SH3RF3: variants seen among roughly 807,000 people sequenced by gnomAD.
The protein encoded by SH3RF3 is SH3 domain containing ring finger 3, also known as E3 ubiquitin-protein ligase SH3RF3.
SH3RF3 carries 29 observed loss-of-function variants against 66.3 expected under a neutral mutation model. The observed-to-expected ratio is 0.44, with a 90% confidence interval of 0.33 to 0.60. The LOEUF (loss-of-function observed/expected upper bound fraction) is 0.60, where lower values mean the gene tolerates loss of function less well. SH3RF3 is among the 20% of genes least tolerant of loss of function. SH3RF3 has a pLI of 0.04. For synonymous variants in SH3RF3, 583 were observed against 532.0 expected (o/e 1.10, Z -1.32); for missense variants, 1,194 against 1,190.9 (o/e 1.00, Z -0.04).
chr2:109,249,886 G>GTGTT (rs1312296449), intron 1 of SH3RF3, among the ~76,000 whole-genome samples: 1 of 150,710 alleles, frequency 6.6e-6, no homozygotes, highest in Non-Finnish European at 1.5e-5. Context: ...GGGTTTCACT[G>GTGTT]TGTTAGCCAG....
intron 1 of SH3RF3, among the ~76,000 whole-genome samples, chr2:109,315,150 G>T (rs1472819401): frequency 2.0e-5 from 3 of 152,228 alleles, no homozygotes; most frequent in African/African-American, 7.2e-5. Flanking sequence ...ACTTTACTGA[G>T]TATAATTAGC....
At chr2:109,330,702 A>C (rs1682263474) in intron 1 of SH3RF3, among the ~76,000 whole-genome samples, 1 of 152,182 alleles carries the variant, frequency 6.6e-6, no homozygotes, top group Non-Finnish European at 1.5e-5. Flanking sequence ...GGATGGATAC[A>C]TGACGGATGG....
At chr2:109,353,987 C>T (rs1244300098) in intron 2 of SH3RF3, among the ~76,000 whole-genome samples, 1 of 152,122 alleles carries the variant, frequency 6.6e-6, no homozygotes, top group Non-Finnish European at 1.5e-5. Flanking sequence ...CAGAGCCCCC[C>T]GAAGTCTCAG....
intron 1 of SH3RF3, among the ~76,000 whole-genome samples, chr2:109,213,509 G>T (rs1395557314): frequency 6.6e-6 from 1 of 152,164 alleles, no homozygotes; most frequent in Non-Finnish European, 1.5e-5. Flanking sequence ...GCCTGGAGAA[G>T]GGCATATCTG....
intron 2 of SH3RF3, among the ~76,000 whole-genome samples, chr2:109,358,975 T>G (rs1483359379): frequency 6.6e-6 from 1 of 152,134 alleles, no homozygotes; most frequent in African/African-American, 2.4e-5. Flanking sequence ...GTGGAATGTT[T>G]ATTTCTAGAT....
At chr2:109,210,046 G>A (rs1458594169) in intron 1 of SH3RF3, among the ~76,000 whole-genome samples, 1 of 152,186 alleles carries the variant, frequency 6.6e-6, no homozygotes, top group Non-Finnish European at 1.5e-5. Context: ...GGACCGCAGA[G>A]TCAAACAGTA....
intron 1 of SH3RF3, among the ~76,000 whole-genome samples, chr2:109,170,279 CTTCTCTTCTCT>C (rs1677739800): frequency 8.0e-6 from 1 of 124,890 alleles, no homozygotes; most frequent in Non-Finnish European, 1.7e-5. Context: ...CTTCTCTTCT[CTTCTCTTCTCT>C]TCTCTTCTCT....
intron 8 of SH3RF3, among the ~76,000 whole-genome samples, chr2:109,480,539 CA>C (rs1292724520): frequency 7.9e-5 from 12 of 152,150 alleles, no homozygotes; most frequent in Non-Finnish European, 7.4e-5. Context: ...ATTAGTGTCT[CA>C]GGGGGCAGCC....
rs771921416 is a variant in SH3RF3, at chr2:109,449,278, C to T, written c.1937C>T (p.Ser646Leu). The T allele has an allele frequency of 2.2e-5, 35 of 1,610,556 alleles. No individual in the cohort carries two copies. Among genetic ancestry groups the T allele is most frequent in the East Asian group, 2.0e-4 (9 of 44,778 alleles). Residue 646 changes from serine to leucine, a missense_variant, in exon 8 of 10, where the codon TCG (serine) becomes TTG (leucine). Coordinates refer to ENST00000309415, the MANE Select transcript of SH3RF3 (RefSeq NM_001099289.3). The stretch of plus-strand genomic sequence containing the variant: ...CCTGCCACCAGCCTCAGGCCCCACT[C>T]GGTGGTGTCCCCGCAGCACAGCCAC... ...RLPATSLRPHSVVSPQHSHQP... is the reference protein window; with the variant it reads ...RLPATSLRPHLVVSPQHSHQP...
intron 1 of SH3RF3, among the ~76,000 whole-genome samples, chr2:109,305,706 C>T (rs1031023391): frequency 9.9e-5 from 15 of 152,224 alleles, no homozygotes; most frequent in Non-Finnish European, 1.6e-4. Context: ...CCTTCATGTG[C>T]GGTGTGTGGC....
At chr2:109,277,882 A>C (rs572197424) in intron 1 of SH3RF3, among the ~76,000 whole-genome samples, 1 of 152,302 alleles carries the variant, frequency 6.6e-6, no homozygotes, top group African/African-American at 2.4e-5. Flanking sequence ...CTTCTGCTGA[A>C]AGGCATTTCA....
intron 1 of SH3RF3, among the ~76,000 whole-genome samples, chr2:109,148,198 C>T (rs1458113424): frequency 6.6e-6 from 1 of 152,234 alleles, no homozygotes; most frequent in East Asian, 1.9e-4. Context: ...TCCCACCTGC[C>T]TGCTCTAGGA....
rs141269601 is a variant in SH3RF3 at position 109,285,522 on chromosome 2, T to C, written c.574-62152T>C. Among the ~76,000 whole-genome samples the C allele has an allele frequency of 8.0e-3, 1,218 of 152,312 alleles. 12 individuals are homozygous for C. Among genetic ancestry groups the C allele is most frequent in the East Asian group, 0.037 (193 of 5,170 alleles). On this transcript the variant is annotated intron_variant, in intron 1 of 9. Transcript: ENST00000309415. ...ACAGTGCATGCTGGGGCACTTGGAC[T>C]GCAGGGCAATCGCTTGCCTGGCGGT...
At chr2:109,177,049 G>A (rs1210930227) in intron 1 of SH3RF3, among the ~76,000 whole-genome samples, 4 of 152,184 alleles carry the variant, frequency 2.6e-5, no homozygotes, top group African/African-American at 9.7e-5. Flanking sequence ...GTGTGACCTG[G>A]TGGAAGTTAC....
At chr2:109,317,474 C>G (rs533543814) in intron 1 of SH3RF3, among the ~76,000 whole-genome samples, 6 of 152,202 alleles carry the variant, frequency 3.9e-5, no homozygotes, top group African/African-American at 1.4e-4. Flanking sequence ...TGCTCTTCCC[C>G]TGGGTCTGGG....
At chr2:109,158,042 G>A (rs1677394146) in intron 1 of SH3RF3, among the ~76,000 whole-genome samples, 1 of 152,190 alleles carries the variant, frequency 6.6e-6, no homozygotes, top group Non-Finnish European at 1.5e-5. Context: ...CAATTGCACT[G>A]TGTCATCTGG....
At chr2:109,196,205 G>A (rs560857826) in intron 1 of SH3RF3, among the ~76,000 whole-genome samples, 1 of 152,316 alleles carries the variant, frequency 6.6e-6, no homozygotes, top group African/African-American at 2.4e-5. Context: ...GTCCACCCTT[G>A]AGGCCATGTC....
At chr2:109,415,473 C>T (rs928362530) in intron 4 of SH3RF3, among the ~76,000 whole-genome samples, 20 of 152,138 alleles carry the variant, frequency 1.3e-4, no homozygotes, top group African/African-American at 4.6e-4. Flanking sequence ...GTGCTACAGT[C>T]GCGGCTGCTA....
chr2:109,424,098 C>T (rs1003755920), intron 5 of SH3RF3, among the ~76,000 whole-genome samples: 5 of 152,148 alleles, frequency 3.3e-5, no homozygotes, highest in African/African-American at 1.2e-4. Flanking sequence ...GCTGGGTTTC[C>T]TGGAGGCAGG....
Sources: gnomAD v4.1 joint callset for allele counts (sites outside exome capture counted in the v4.1 genomes callset) on GRCh38, gnomAD v4.1.1 for gene constraint, MANE v1.5 for transcripts, NCBI Gene and HGNC (gene_info 2026-07-23, HGNC 2026-07-21) for gene names.